Variants in PPIL2 observed in about 807,000 individuals in gnomAD.
The protein encoded by PPIL2 is peptidylprolyl isomerase like 2.
Under a neutral mutation model 75.2 loss-of-function variants are expected in PPIL2, and 50 were observed. That is an observed-to-expected ratio of 0.66 (90% CI 0.53 to 0.84). PPIL2 has a LOEUF of 0.84. Ranked by LOEUF, PPIL2 falls within the 40% of genes least tolerant of loss-of-function variation. The pLI is 0.00. For missense variants in PPIL2, 590 were observed against 685.0 expected (o/e 0.86, Z 1.55); for synonymous variants, 245 against 258.8 (o/e 0.95, Z 0.51).
At chr22:21,692,344 TGG>T (rs1214058863) in intron 15 of PPIL2, among the ~76,000 whole-genome samples, 1 of 150,932 alleles carries the variant, frequency 6.6e-6, no homozygotes, top group Admixed American at 6.6e-5. Context: ...TTAGTAGAGA[TGG>T]GGTTTCACCG....
Position 21,695,461 on chromosome 22 carries a change from C to T in PPIL2, c.1534C>T (p.Arg512Trp), listed in dbSNP as rs375662290. 3 of 1,606,622 alleles carry T rather than the reference C, an allele frequency of 1.9e-6. No individual in the cohort carries two copies. Among genetic ancestry groups the T allele is most frequent in the South Asian group, 2.2e-5 (2 of 89,522 alleles). The change falls in exon 20 of 20, where the codon CGG becomes TGG. Residue 512 changes from arginine to tryptophan, a missense_variant. Arg to Trp is a moderately radical substitution (Grantham distance 101). Transcript: ENST00000398831. Reference protein sequence around the residue: ...TVPMSKKKPSRGFGDFSSW With the variant: ...TVPMSKKKPSWGFGDFSSW ...CCCCATGTCCAAGAAGAAGCCCAGT[C>T]GGGGTTTTGGGGACTTCAGCTCCTG... is the stretch of plus-strand genomic sequence containing the variant.
At chr22:21,670,492 A>G in intron 2 of PPIL2, 74 bp from the exon 3 acceptor site, 1 of 1,505,848 alleles carries the variant, frequency 6.6e-7, no homozygotes, top group East Asian at 2.3e-5. Context: ...GCTGTAACTG[A>G]ATTGCTAGCA....
At chr22:21,675,240 G>T in intron 6 of PPIL2, 125 bp downstream of exon 6, 1 of 929,900 alleles carries the variant, frequency 1.1e-6, no homozygotes, top group Non-Finnish European at 1.7e-6. Flanking sequence ...TTTTAATTCC[G>T]CAAAAAGTGT....
Position 21,670,983 on chromosome 22 carries a change from C to T in PPIL2, c.129-14C>T, listed in dbSNP as rs777862182. The stretch of plus-strand genomic sequence containing the variant: ...GTGCGTGGCAACTCACCAGGAATGA[C>T]TGTCCTTTTTCAGTCTCTCTCTGCA... On this transcript the variant is annotated splice_polypyrimidine_tract_variant and intron_variant, in intron 3 of 19. Coordinates refer to ENST00000398831, the MANE Select transcript of PPIL2 (RefSeq NM_014337.4). The T allele has an allele frequency of 2.5e-6, 4 of 1,607,880 alleles. No individual in the cohort carries two copies. The South Asian group carries it at 3.3e-5, about 13-fold the overall frequency.
chr22:21,697,135 A>G lies in PPIL2; in HGVS notation c.*1645A>G. 1 of 825,412 alleles carries G rather than the reference A, an allele frequency of 1.2e-6. No individual in the cohort carries two copies. The highest frequency in any genetic ancestry group is 1.9e-6 in the Non-Finnish European group (1 of 538,796). 51.1% of individuals were successfully genotyped at this position (825,412 alleles called of 1,614,324 possible). On this transcript the variant is annotated 3_prime_UTR_variant, in exon 20 of 20. Transcript: ENST00000398831. ...CCGCAAGGCCTGGTGCAGCCCTGGC[A>G]GTAACTGGCTTGTAAGAGGCTCAGA...
downstream of PPIL2, chr22:21,698,454 T>C (rs1281190818): frequency 1.3e-5 from 2 of 152,302 alleles, no homozygotes; most frequent in Non-Finnish European, 2.9e-5. Flanking sequence ...GTTTCTTCCA[T>C]GTAAGTGAAG....
chr22:21,671,867 A>G (rs1230427003), intron 4 of PPIL2, among the ~76,000 whole-genome samples: 1 of 152,140 alleles, frequency 6.6e-6, no homozygotes, highest in Non-Finnish European at 1.5e-5. Flanking sequence ...CCTGGGCAAC[A>G]TGGTGAGAAC....
At chr22:21,695,152 G>A in intron 19 of PPIL2, 82 bp downstream of exon 19, 1 of 1,467,448 alleles carries the variant, frequency 6.8e-7, no homozygotes, top group Non-Finnish European at 9.0e-7. Flanking sequence ...ACCCAGAGGG[G>A]CAAGCAAGCT....
In PPIL2 at chr22:21,681,298, G is replaced by C. The variant is rs2067120281; in HGVS notation, c.296-1G>C. ...CCTCCCTGTGTGTGCCTTCTCTCTA[G>C]GGAAGTACCACTGCCCAGTGCTGTT... On this transcript the variant is annotated splice_acceptor_variant, in intron 6 of 19. Coordinates refer to ENST00000398831, the MANE Select transcript of PPIL2 (RefSeq NM_014337.4). LOFTEE classifies it high-confidence loss of function. 6.2e-7 allele frequency: 1 copy of C among 1,612,418 alleles called. No individual in the cohort carries two copies. Among genetic ancestry groups the C allele is most frequent in the Non-Finnish European group, 8.5e-7 (1 of 1,178,538 alleles).
In PPIL2 at chr22:21,696,949, C is replaced by T. The variant is rs1185571842; in HGVS notation, c.*1459C>T. 6.3e-7 allele frequency: 1 copy of T among 1,578,538 alleles called. No individual in the cohort carries two copies. The highest frequency in any genetic ancestry group is 2.3e-5 in the East Asian group (1 of 42,956). ...ACCCTGCTGCACACCAATCTGTGGC[C>T]CTTCATCATGCTAAGAACAAGAACT... On this transcript the variant is annotated 3_prime_UTR_variant, in exon 20 of 20. Transcript: ENST00000398831.
chr22:21,675,769 C>T (rs989096510), intron 6 of PPIL2, among the ~76,000 whole-genome samples: 1 of 152,154 alleles, frequency 6.6e-6, no homozygotes, highest in African/African-American at 2.4e-5. Context: ...GGAACCAAGG[C>T]GGCAGCTGAG....
rs1249595857 is a variant in PPIL2 at position 21,672,316 on chromosome 22, T to C, written c.192-14T>C. The C allele has an allele frequency of 6.2e-7, 1 of 1,608,074 alleles. No individual in the cohort carries two copies. Among genetic ancestry groups the C allele is most frequent in the Non-Finnish European group, 8.5e-7 (1 of 1,174,836 alleles). On this transcript the variant is annotated splice_polypyrimidine_tract_variant and intron_variant, in intron 4 of 19. Transcript: ENST00000398831. Reference sequence around the variant, plus strand: ...AGCACCCTGGTGATGCTTTCTGTTCTGTCTTCCCTTCAGGAACATTGTTCC... The same window carrying C: ...AGCACCCTGGTGATGCTTTCTGTTCCGTCTTCCCTTCAGGAACATTGTTCC...
chr22:21,688,587 C>T (rs531292980), intron 14 of PPIL2, 145 bp from the exon 15 acceptor site: 51 of 744,592 alleles, frequency 6.8e-5, no homozygotes, highest in Non-Finnish European at 1.1e-4. Flanking sequence ...GAGTTGGTGG[C>T]GTGGGGCTGG....
At chr22:21,678,165 T>C (rs564890919) in intron 6 of PPIL2, among the ~76,000 whole-genome samples, 17 of 152,086 alleles carry the variant, frequency 1.1e-4, no homozygotes, top group African/African-American at 3.6e-4. Context: ...TGAGAGCCAC[T>C]GAGGGAGGAA....
chr22:21,684,400 C>G (rs192347266), intron 9 of PPIL2, among the ~76,000 whole-genome samples: 7 of 130,512 alleles, frequency 5.4e-5, no homozygotes, highest in African/African-American at 2.1e-4. Flanking sequence ...TGCAGTGAGC[C>G]GAGATTGCAC....
chr22:21,679,683 C>T (rs995821058), intron 6 of PPIL2, among the ~76,000 whole-genome samples: 1 of 151,862 alleles, frequency 6.6e-6, no homozygotes, highest in Non-Finnish European at 1.5e-5. Flanking sequence ...GCAATCCTCC[C>T]ACCTTGGCCT....
At chr22:21,687,880 T>A in intron 13 of PPIL2, 148 bp downstream of exon 13, 1 of 1,065,764 alleles carries the variant, frequency 9.4e-7, no homozygotes, top group Non-Finnish European at 1.4e-6. Flanking sequence ...GGGGAACCCA[T>A]AGACTGACCC....
chr22:21,694,494 C>T lies in PPIL2; in HGVS notation c.1197-99C>T, dbSNP rs933175290. On this transcript the variant is annotated intron_variant, in intron 16 of 19. Coordinates refer to ENST00000398831, the MANE Select transcript of PPIL2 (RefSeq NM_014337.4). ...GCTGCCCAAGGACCACCAGGCCAGCCTCGGGGCTCTCAACCCCTCTTCCCA... is the reference window on the plus strand; with the variant it reads ...GCTGCCCAAGGACCACCAGGCCAGCTTCGGGGCTCTCAACCCCTCTTCCCA... The T allele has an allele frequency of 2.3e-5, 32 of 1,376,374 alleles. No individual in the cohort carries two copies. In the East Asian group the frequency reaches 5.8e-4, roughly 25 times the overall value. 85.3% of individuals were successfully genotyped at this position (1,376,374 alleles called of 1,614,324 possible).
rs1468721403 is a variant in PPIL2, at chr22:21,684,780, C to T, written c.581C>T (p.Ser194Phe). 1 of 1,614,102 alleles carries T rather than the reference C, an allele frequency of 6.2e-7. No homozygotes were observed. Among genetic ancestry groups the T allele is most frequent in the South Asian group, 1.1e-5 (1 of 91,084 alleles). The change falls in exon 10 of 20, where the codon TCT becomes TTT. Residue 194 changes from serine (S) to phenylalanine (F), a missense_variant. Transcript: ENST00000398831. Reference protein sequence around the residue: ...PDEEKAKQDPSYYLKNTNAET... With the variant: ...PDEEKAKQDPFYYLKNTNAET... ...GAAGAGAAGGCCAAACAGGACCCGT[C>T]TTATTATCTGAAAAATACAAATGCC...
Sources: gnomAD v4.1 joint callset for allele counts (sites outside exome capture counted in the v4.1 genomes callset) on GRCh38, gnomAD v4.1.1 for gene constraint, MANE v1.5 for transcripts, NCBI Gene and HGNC (gene_info 2026-07-23, HGNC 2026-07-21) for gene names.